Variants in LAMA2 observed in about 807,000 individuals in gnomAD.
LAMA2 encodes laminin subunit alpha 2, also known as laminin subunit alpha-2.
A neutral mutation model predicts 364.8 loss-of-function variants in LAMA2; 269 were observed. That is an observed-to-expected ratio of 0.74 (90% CI 0.67 to 0.82). The LOEUF (loss-of-function observed/expected upper bound fraction) is 0.82. LAMA2 is among the 40% of genes least tolerant of loss of function. The pLI is 0.00. For synonymous variants in LAMA2, 1,379 were observed against 1,370.6 expected (o/e 1.01, Z -0.14); for missense variants, 3,807 against 3,873.2 (o/e 0.98, Z 0.45).
chr6:128,911,493 G>A (rs1000724877), intron 1 of LAMA2, among the ~76,000 whole-genome samples: 1 of 152,168 alleles, frequency 6.6e-6, no homozygotes, highest in Admixed American at 6.5e-5. Context: ...ACCCTGCTTC[G>A]GCTCACGCAC....
rs1197705213 is a variant in LAMA2 at position 129,050,033 on chromosome 6, G to A, written c.228G>A (p.Gln76=). Residue 76 remains glutamine (Q), a synonymous_variant, in exon 2 of 65, where the codon CAG becomes CAA. Coordinates refer to ENST00000421865, the MANE Select transcript of LAMA2 (RefSeq NM_000426.4). Reference sequence around the variant, plus strand: ...AATTGGTAGAACATGTCCCTGGGCAGCCTGTGAGGAACCCGCAGTGTCGAA... The same window carrying A: ...AATTGGTAGAACATGTCCCTGGGCAACCTGTGAGGAACCCGCAGTGTCGAA... The part of the protein sequence containing the change: ...YCKLVEHVPG[Q]PVRNPQCRIC... 1 of 1,614,144 alleles carries A rather than the reference G, an allele frequency of 6.2e-7. No individual in the cohort carries two copies. Among genetic ancestry groups the A allele is most frequent in the East Asian group, 2.2e-5 (1 of 44,878 alleles).
chr6:129,174,358 A>G (rs578117696), intron 9 of LAMA2, among the ~76,000 whole-genome samples: 1 of 152,056 alleles, frequency 6.6e-6, no homozygotes, highest in Non-Finnish European at 1.5e-5. Flanking sequence ...AGCTCTTTAG[A>G]CATATTAAAT....
chr6:129,454,348 GT>G, intron 47 of LAMA2, 60 bp downstream of exon 47: 1 of 1,403,038 alleles, frequency 7.1e-7, no homozygotes, highest in Non-Finnish European at 1.0e-6. Flanking sequence ...TAGTTTCCCA[GT>G]TTATAAGAAA....
chr6:129,291,679 T>C lies in LAMA2; in HGVS notation c.2815T>C (p.Cys939Arg), dbSNP rs1331099102. 1.2e-6 allele frequency: 2 copies of C among 1,614,074 alleles called. No individual in the cohort carries two copies. The highest frequency in any genetic ancestry group is 1.7e-6 in the Non-Finnish European group (2 of 1,179,968). Residue 939 changes from cysteine to arginine, a missense_variant, in exon 20 of 65, where the codon TGC becomes CGC. This residue lies in a region of LAMA2 where 3,333 missense variants were observed against 3,345.7 expected (regional missense o/e 1.00). Coordinates refer to ENST00000421865, the MANE Select transcript of LAMA2 (RefSeq NM_000426.4). ...VCHSQTGQCE[C>R]RANVQGQRCD... is the part of the protein sequence containing the mutation. Reference sequence around the variant, plus strand: ...CCACAGTCAAACTGGACAGTGTGAGTGCAGAGCCAACGTTCAGGGTCAGAG... The same window carrying C: ...CCACAGTCAAACTGGACAGTGTGAGCGCAGAGCCAACGTTCAGGGTCAGAG...
chr6:129,380,444 C>G (rs1288239592), intron 34 of LAMA2, among the ~76,000 whole-genome samples: 2 of 152,086 alleles, frequency 1.3e-5, no homozygotes, highest in Non-Finnish European at 1.5e-5. Context: ...GTTCTCACCC[C>G]CTTAGAGCTT....
intron 52 of LAMA2, 152 bp downstream of exon 52, chr6:129,473,504 C>T (rs1395264302): frequency 9.9e-6 from 7 of 706,136 alleles, no homozygotes; most frequent in African/African-American, 3.6e-5. Context: ...CATGTTAGAA[C>T]AACACCAGGA....
intron 1 of LAMA2, among the ~76,000 whole-genome samples, chr6:128,961,519 C>T (rs1313316475): frequency 2.7e-5 from 4 of 149,438 alleles, no homozygotes; most frequent in Non-Finnish European, 5.9e-5. Context: ...CAGTCTGGGT[C>T]CCAAAACTGA....
chr6:128,907,501 C>G (rs1777569095), intron 1 of LAMA2, among the ~76,000 whole-genome samples: 1 of 152,086 alleles, frequency 6.6e-6, no homozygotes, highest in South Asian at 2.1e-4. Flanking sequence ...TGAGACTTTG[C>G]TGAAGTTGCT....
At chr6:129,258,237 G>GA (rs1323324297) in intron 14 of LAMA2, among the ~76,000 whole-genome samples, 6 of 152,012 alleles carry the variant, frequency 3.9e-5, no homozygotes, top group Non-Finnish European at 8.8e-5. Context: ...ATCAGGCCCA[G>GA]AAATTCTGTT....
At chr6:129,429,707 C>T (rs1781495069) in intron 41 of LAMA2, among the ~76,000 whole-genome samples, 1 of 152,166 alleles carries the variant, frequency 6.6e-6, no homozygotes, top group Non-Finnish European at 1.5e-5. Context: ...TGCGGTCACT[C>T]CTTCCTATCT....
chr6:129,265,352 G>A (rs1787430924), intron 15 of LAMA2, among the ~76,000 whole-genome samples: 1 of 152,106 alleles, frequency 6.6e-6, no homozygotes, highest in Admixed American at 6.6e-5. Context: ...AGAAGACGTG[G>A]TATGAGTACT....
chr6:129,271,651 C>G (rs1269468098), intron 17 of LAMA2, among the ~76,000 whole-genome samples: 1 of 151,830 alleles, frequency 6.6e-6, no homozygotes, highest in Admixed American at 6.6e-5. Context: ...TTATAAATAA[C>G]TATACTTTTA....
At chr6:129,046,170 A>G (rs1787472370) in intron 1 of LAMA2, among the ~76,000 whole-genome samples, 1 of 152,200 alleles carries the variant, frequency 6.6e-6, no homozygotes, top group African/African-American at 2.4e-5. Context: ...TGTAAATTAA[A>G]TTTTTAAAGA....
At chr6:129,516,107 G>T in intron 64 of LAMA2, 83 bp from the exon 65 acceptor site, 1 of 1,441,742 alleles carries the variant, frequency 6.9e-7, no homozygotes, top group Non-Finnish European at 9.8e-7. Flanking sequence ...TTAATCTCAA[G>T]CTAACAGTTG....
intron 10 of LAMA2, 62 bp from the exon 11 acceptor site, chr6:129,190,143 C>G: frequency 6.6e-7 from 1 of 1,520,990 alleles, no homozygotes; most frequent in Non-Finnish European, 9.1e-7. Context: ...CTTATACAGA[C>G]ATGGACGCAG....
At chr6:128,889,849 T>C (rs1416136578) in intron 1 of LAMA2, among the ~76,000 whole-genome samples, 3 of 152,226 alleles carry the variant, frequency 2.0e-5, no homozygotes, top group Non-Finnish European at 4.4e-5. Flanking sequence ...TGAGTGTGGA[T>C]CTTAATATGG....
chr6:129,016,148 A>G (rs1172817976), intron 1 of LAMA2, among the ~76,000 whole-genome samples: 8 of 152,112 alleles, frequency 5.3e-5, no homozygotes, highest in Non-Finnish European at 1.2e-4. Flanking sequence ...TTATATTATC[A>G]TGCATAATAG....
chr6:129,485,532 A>G (rs1006302163), intron 55 of LAMA2, among the ~76,000 whole-genome samples: 2 of 152,206 alleles, frequency 1.3e-5, no homozygotes, highest in African/African-American at 4.8e-5. Flanking sequence ...CAAGTTTTAT[A>G]TTTCAAAGCT....
At chr6:129,008,677 G>T (rs2114690271) in intron 1 of LAMA2, among the ~76,000 whole-genome samples, 1 of 152,240 alleles carries the variant, frequency 6.6e-6, no homozygotes, top group South Asian at 2.1e-4. Flanking sequence ...ATAAAGGGAT[G>T]TTAACCAAAA....
Sources: allele counts gnomAD v4.1 joint callset (sites outside exome capture counted in the v4.1 genomes callset), GRCh38; gene constraint gnomAD v4.1.1; regional missense constraint gnomAD v4.1.1; transcripts MANE v1.5; gene names NCBI Gene and HGNC (gene_info 2026-07-23, HGNC 2026-07-21).